The following EFR3B variants were observed in gnomAD, a reference collection of about 807,000 sequenced individuals.
EFR3B encodes the protein EFR3 homolog B.
A neutral mutation model predicts 104.7 loss-of-function variants in EFR3B; 64 were observed. That is an observed-to-expected ratio of 0.61 (90% CI 0.50 to 0.75). The LOEUF is 0.75. Ranked by LOEUF, EFR3B falls within the 30% of genes least tolerant of loss-of-function variation. The probability of loss-of-function intolerance (pLI) is 0.00; values close to 1 mark genes in which losing one functional copy is unlikely to be tolerated. For synonymous variants in EFR3B, 385 were observed against 417.9 expected (o/e 0.92, Z 0.96); for missense variants, 750 against 1,078.5 (o/e 0.70, Z 4.27).
rs1298186383 is a variant in EFR3B at position 25,130,529 on chromosome 2, C to A, written c.771-23C>A. 1 of 1,541,856 alleles carries A rather than the reference C, an allele frequency of 6.5e-7. No homozygotes were observed. Among genetic ancestry groups the A allele is most frequent in the Non-Finnish European group, 8.8e-7 (1 of 1,138,030 alleles). The stretch of plus-strand genomic sequence containing the variant: ...CACTGCCGGGAGTTTCATAGTTGTT[C>A]CCCCACGTTTTCTCCCTCACAGCCA... On this transcript the variant is annotated intron_variant, in intron 7 of 22. Coordinates refer to ENST00000403714, the MANE Select transcript of EFR3B (RefSeq NM_014971.2). This position sits in a 1 kb window ranked among gnomAD's most constrained non-coding sequence, Gnocchi z 4.6.
At chr2:25,149,553 G>A (rs752489914) in intron 19 of EFR3B, 141 bp from the exon 20 acceptor site, 16 of 779,166 alleles carry the variant, frequency 2.1e-5, no homozygotes, top group African/African-American at 5.1e-5. Context: ...CCCTGAGGGG[G>A]GTGGGGGTGT....
rs758198301 is a variant in EFR3B at position 25,154,351 on chromosome 2, C to G, written c.*11C>G. On this transcript the variant is annotated 3_prime_UTR_variant, in exon 23 of 23. Transcript: ENST00000403714. The surrounding 1 kb of genome is among the most constrained non-coding windows in gnomAD (Gnocchi z 4.1). ...CTGTGTGTATACTGAATTCCAAGAG[C>G]CTGAGCTCCTCAAGGAGATGGGGTC... is the stretch of plus-strand genomic sequence containing the variant. The G allele has an allele frequency of 5.4e-5, 83 of 1,550,708 alleles. No homozygotes were observed. Among genetic ancestry groups the G allele is most frequent in the Admixed American group, 5.9e-5 (3 of 50,978 alleles).
At chr2:25,106,295 G>T (rs1216940781) in intron 4 of EFR3B, among the ~76,000 whole-genome samples, 1 of 145,736 alleles carries the variant, frequency 6.9e-6, no homozygotes, top group Non-Finnish European at 1.5e-5. Flanking sequence ...CACCTCTGGA[G>T]TTTTTTTTTT....
At chr2:25,133,643 G>A (rs867488530) in intron 12 of EFR3B, among the ~76,000 whole-genome samples, 1 of 152,236 alleles carries the variant, frequency 6.6e-6, no homozygotes, top group Admixed American at 6.5e-5. Flanking sequence ...AGCAAATGGG[G>A]AACCTGTTTC....
chr2:25,081,076 A>G, intron 1 of EFR3B: 1 of 722,274 alleles, frequency 1.4e-6, no homozygotes, highest in Non-Finnish European at 2.5e-6. Context: ...GGACCTTGAA[A>G]TGACCTCTCC....
intron 1 of EFR3B, among the ~76,000 whole-genome samples, chr2:25,079,691 A>G (rs1168091418): frequency 6.6e-6 from 1 of 152,230 alleles, no homozygotes; most frequent in Non-Finnish European, 1.5e-5. Flanking sequence ...ACTGGTTGCA[A>G]CAAAAGAAAT....
chr2:25,081,554 G>C (rs919922686), intron 1 of EFR3B: 1 of 951,630 alleles, frequency 1.1e-6, no homozygotes, highest in Non-Finnish European at 1.7e-6. Context: ...TATTGCTGCT[G>C]TACTTGGAGT....
Position 25,042,706 on chromosome 2 carries a change from GCTGAGGGAGACGCCCGCGGCCGGTCGT to G in EFR3B, c.7+391_7+417del. On this transcript the variant is annotated intron_variant, in intron 1 of 22. Coordinates refer to ENST00000403714, the MANE Select transcript of EFR3B (RefSeq NM_014971.2). This position sits in a 1 kb window ranked among gnomAD's most constrained non-coding sequence, Gnocchi z 5.4. The stretch of plus-strand genomic sequence containing the variant: ...GTTTTCTGTGGGAAGCCGGTCCAGG[GCTGAGGGAGACGCCCGCGGCCGGTCGT>G]CTGCGCGGCTCGGAGAAGGCGGGAG... The G allele has an allele frequency of 1.0e-6, 1 of 998,728 alleles. No homozygotes were observed. Among genetic ancestry groups the G allele is most frequent in the South Asian group, 4.7e-5 (1 of 21,374 alleles). The allele number at this position is 998,728 out of a possible 1,614,324, so 61.9% of individuals were successfully genotyped here.
At chr2:25,081,083 C>G (rs919953493) in intron 1 of EFR3B, 2 of 711,022 alleles carry the variant, frequency 2.8e-6, no homozygotes, top group African/African-American at 3.5e-5. Flanking sequence ...GAAATGACCT[C>G]TCCATCCCTA....
intron 21 of EFR3B, among the ~76,000 whole-genome samples, chr2:25,152,279 A>G (rs919441649): frequency 6.6e-6 from 1 of 152,094 alleles, no homozygotes; most frequent in African/African-American, 2.4e-5. Context: ...TCTCTCTGAG[A>G]CCTCACACTT....
chr2:25,106,324 G>T (rs1669561483), intron 4 of EFR3B, among the ~76,000 whole-genome samples: 1 of 151,760 alleles, frequency 6.6e-6, no homozygotes. Context: ...GAGCCTCGCT[G>T]TGTCACCCCG....
chr2:25,083,449 C>T (rs539149913), intron 1 of EFR3B, among the ~76,000 whole-genome samples: 5 of 152,258 alleles, frequency 3.3e-5, no homozygotes, highest in African/African-American at 9.6e-5. Flanking sequence ...CTTAGTGTCT[C>T]GTTACAATGA....
chr2:25,134,715 C>G (rs1670474263), intron 12 of EFR3B, among the ~76,000 whole-genome samples: 1 of 152,152 alleles, frequency 6.6e-6, no homozygotes, highest in Non-Finnish European at 1.5e-5. Flanking sequence ...CAACACTGCC[C>G]TCATTTAGTT....
intron 20 of EFR3B, 46 bp from the exon 21 acceptor site, chr2:25,151,868 C>T (rs1343220006): frequency 1.9e-6 from 3 of 1,544,552 alleles, no homozygotes; most frequent in Middle Eastern, 1.7e-4. Context: ...CCTCCCTTCA[C>T]CTCAGTGAGC....
intron 1 of EFR3B, among the ~76,000 whole-genome samples, chr2:25,049,081 ATTG>A (rs1667797490): frequency 6.6e-6 from 1 of 152,208 alleles, no homozygotes; most frequent in South Asian, 2.1e-4. Flanking sequence ...CTAGTTACAT[ATTG>A]TTCAATTGCT....
chr2:25,069,247 G>A (rs1050923914), intron 1 of EFR3B, among the ~76,000 whole-genome samples: 3 of 152,080 alleles, frequency 2.0e-5, no homozygotes, highest in African/African-American at 7.2e-5. Flanking sequence ...AGGAGGCCAG[G>A]CCTTGGGCAC....
rs199904420 is a variant in EFR3B at position 25,131,920 on chromosome 2, C to CG, written c.1147+13dup. The CG allele has an allele frequency of 2.4e-5, 26 of 1,078,766 alleles. No homozygotes were observed. The highest frequency in any genetic ancestry group is 3.0e-5 in the Non-Finnish European group (26 of 872,536). The allele number at this position is 1,078,766 out of a possible 1,614,324, so 66.8% of individuals were successfully genotyped here. ...CGTCATCAAGACCGTGGGTGCGGCG[C>CG]GGGGCCGGGCCGGGGCGGGGCGGGG... On this transcript the variant is annotated intron_variant, in intron 10 of 22. Transcript: ENST00000403714. This position sits in a 1 kb window ranked among gnomAD's most constrained non-coding sequence, Gnocchi z 7.6.
rs1200175209 is a variant in EFR3B at position 25,091,330 on chromosome 2, T to C, written c.13T>C (p.Cys5Arg). 6.5e-7 allele frequency: 1 copy of C among 1,550,038 alleles called. No individual in the cohort carries two copies. Among genetic ancestry groups the C allele is most frequent in the Non-Finnish European group, 8.7e-7 (1 of 1,146,426 alleles). MYGVCGCCGALRPRY... is the reference protein window; with the variant it reads MYGVRGCCGALRPRY... ...TTTTCCCATTCTTATTCCAGGTGTG[T>C]GTGGCTGCTGTGGTGCCCTACGCCC... Residue 5 changes from cysteine to arginine, a missense_variant, in exon 2 of 23, where the codon TGT becomes CGT. Coordinates refer to ENST00000403714, the MANE Select transcript of EFR3B (RefSeq NM_014971.2).
At position 25,154,546 on chromosome 2, in the gene EFR3B, C is replaced by G; in HGVS notation, c.*206C>G. 2 of 564,972 alleles carry G rather than the reference C, an allele frequency of 3.5e-6. No homozygotes were observed. Among genetic ancestry groups the G allele is most frequent in the Non-Finnish European group, 6.3e-6 (2 of 319,058 alleles). The allele number at this position is 564,972 out of a possible 1,614,324, so 35.0% of individuals were successfully genotyped here. ...CTCGTCTTCCCTGAGGGAGGTCTCACCAATCAGCATCTCACCTGTGCCCTC... is the reference window on the plus strand; with the variant it reads ...CTCGTCTTCCCTGAGGGAGGTCTCAGCAATCAGCATCTCACCTGTGCCCTC... On this transcript the variant is annotated 3_prime_UTR_variant, in exon 23 of 23. Coordinates refer to ENST00000403714, the MANE Select transcript of EFR3B (RefSeq NM_014971.2). The surrounding 1 kb of genome is among the most constrained non-coding windows in gnomAD (Gnocchi z 4.1).
Sources: allele counts gnomAD v4.1 joint callset (sites outside exome capture counted in the v4.1 genomes callset), GRCh38; gene constraint gnomAD v4.1.1; non-coding constraint Gnocchi (gnomAD v3.1); transcripts MANE v1.5; gene names NCBI Gene and HGNC (gene_info 2026-07-23, HGNC 2026-07-21).